Variants in UTS2B observed in about 807,000 individuals in gnomAD.
The protein encoded by UTS2B is urotensin-2B.
UTS2B carries 21 observed loss-of-function variants against 19.2 expected under a neutral mutation model. The observed-to-expected ratio is 1.09, with a 90% CI of 0.78 to 1.58. The LOEUF (loss-of-function observed/expected upper bound fraction) is 1.58. Among genes scored for constraint, UTS2B ranks in the 40% most tolerant of loss-of-function variants. The pLI, the probability that UTS2B is intolerant of heterozygous loss-of-function variation, is 0.00. For missense variants in UTS2B, 138 were observed against 130.3 expected, an observed-to-expected ratio of 1.06 and a Z score of -0.29; for synonymous variants, 57 against 50.2, an observed-to-expected ratio of 1.14 and a Z score of -0.58.
chr3:191,314,502 G>A (rs537704510), intron 3 of UTS2B, among the ~76,000 whole-genome samples: 5 of 152,296 alleles, frequency 3.3e-5, no homozygotes, highest in African/African-American at 9.6e-5. Flanking sequence ...TTGTGATATT[G>A]TGAAACATAT....
At chr3:191,332,157 A>G (rs1177581907), upstream of UTS2B, among the ~76,000 whole-genome samples, 2 of 152,108 alleles carry the variant, frequency 1.3e-5, no homozygotes, top group East Asian at 1.9e-4. Flanking sequence ...GAACATTTCA[A>G]TAGAGGTCGT....
chr3:191,289,450 A>ATAAATAAATAAATAAATAAATAAAT (rs56188122), intron 4 of UTS2B, among the ~76,000 whole-genome samples: 1 of 144,050 alleles, frequency 6.9e-6, no homozygotes, highest in Non-Finnish European at 1.5e-5. Flanking sequence ...AAATAAATAA[A>ATAAATAAATAAATAAATAAATAAAT]AAACAAACGA....
intron 8 of UTS2B, chr3:191,273,525 T>C (rs1226439417): frequency 2.2e-6 from 1 of 456,750 alleles, no homozygotes; most frequent in Non-Finnish European, 4.4e-6. Flanking sequence ...TTGGCAATGT[T>C]GGAGGCAGTT....
chr3:191,326,731 C>T (rs1717753079), intron 2 of UTS2B, among the ~76,000 whole-genome samples: 1 of 152,206 alleles, frequency 6.6e-6, no homozygotes, highest in South Asian at 2.1e-4. Context: ...TGTTCATTCC[C>T]TATAAATACT....
At chr3:191,275,479 G>C (rs1298850072) in intron 7 of UTS2B, 134 bp from the exon 8 acceptor site, 1 of 640,828 alleles carries the variant, frequency 1.6e-6, no homozygotes, top group African/African-American at 1.8e-5. Flanking sequence ...AGGCGATCAA[G>C]ACCATCCTGG....
chr3:191,275,862 C>A (rs114723377), intron 7 of UTS2B, among the ~76,000 whole-genome samples: 1 of 151,958 alleles, frequency 6.6e-6, no homozygotes, highest in Non-Finnish European at 1.5e-5. Flanking sequence ...AGCATGCATT[C>A]AGGGGCTGAC....
chr3:191,327,935 C>G lies in UTS2B; in HGVS notation c.-586+696G>C, dbSNP rs575967258. Among the ~76,000 whole-genome samples the G allele has an allele frequency of 5.6e-4, 86 of 152,264 alleles. No individual in the cohort carries two copies. In the South Asian group the frequency reaches 0.017, roughly 30 times the overall value. On this transcript the variant is annotated intron_variant, in intron 2 of 8. Transcript: ENST00000340524. The stretch of plus-strand genomic sequence containing the variant: ...TTAACCTGCTGAGTGTTATCTCTGC[C>G]TAGCACTGGGGTGGGTAAACTTTTC...
intron 4 of UTS2B, among the ~76,000 whole-genome samples, chr3:191,285,928 G>A (rs1164815517): frequency 6.6e-6 from 1 of 151,964 alleles, no homozygotes; most frequent in Non-Finnish European, 1.5e-5. Context: ...AAAGTGAAAC[G>A]ATGGAAAAAG....
At chr3:191,339,840 C>T in the UTS2B span, among the ~76,000 whole-genome samples, 1 of 152,152 alleles carries the variant, frequency 6.6e-6, no homozygotes, top group Non-Finnish European at 1.5e-5. Flanking sequence ...TTTTAAAAGG[C>T]ACCAGGTTGA....
upstream of UTS2B, among the ~76,000 whole-genome samples, chr3:191,331,307 A>G (rs1256018259): frequency 1.3e-5 from 2 of 152,220 alleles, no homozygotes; most frequent in Non-Finnish European, 2.9e-5. Flanking sequence ...GTGAAAAAAC[A>G]TAAAACTCTT....
intron 5 of UTS2B, among the ~76,000 whole-genome samples, chr3:191,280,523 T>C (rs955721169): frequency 6.6e-6 from 1 of 152,158 alleles, no homozygotes; most frequent in Non-Finnish European, 1.5e-5. Flanking sequence ...CTCCCTCTAA[T>C]CTTGGACTAT....
the UTS2B span, among the ~76,000 whole-genome samples, chr3:191,342,914 C>T: frequency 1.3e-5 from 2 of 152,310 alleles, no homozygotes; most frequent in African/African-American, 4.8e-5. Flanking sequence ...CGTAGAATGT[C>T]TGACTACCTC....
intron 4 of UTS2B, among the ~76,000 whole-genome samples, chr3:191,296,000 T>C (rs763225477): frequency 2.0e-5 from 3 of 152,210 alleles, no homozygotes; most frequent in Admixed American, 1.3e-4. Flanking sequence ...AATGTAATTA[T>C]CAGTCTGTAA....
chr3:191,309,779 C>T (rs1004634971), intron 3 of UTS2B, among the ~76,000 whole-genome samples: 1 of 152,140 alleles, frequency 6.6e-6, no homozygotes, highest in Non-Finnish European at 1.5e-5. Context: ...CCTGCTCTAG[C>T]TGTATGAAAT....
the UTS2B span, among the ~76,000 whole-genome samples, chr3:191,340,749 G>A: frequency 3.3e-5 from 5 of 152,096 alleles, no homozygotes; most frequent in East Asian, 1.9e-4. Context: ...TCCCTCAGGC[G>A]GACATATGAG....
Position 191,268,407 on chromosome 3 carries a change from G to T in UTS2B, c.*9C>A, listed in dbSNP as rs1716000452. The T allele has an allele frequency of 6.4e-7, 1 of 1,556,686 alleles. No individual in the cohort carries two copies. The highest frequency in any genetic ancestry group is 1.8e-5 in the Admixed American group (1 of 57,094). On this transcript the variant is annotated 3_prime_UTR_variant, in exon 9 of 9. Coordinates refer to ENST00000340524, the MANE Select transcript of UTS2B (RefSeq NM_198152.5). ...ATTCTTATCTTTTTTTGCATCCAGA[G>T]AAAAAGCTTTAAACACAGTATTTCC...
At chr3:191,322,065 T>TGA (rs1717627041) in intron 2 of UTS2B, among the ~76,000 whole-genome samples, 4 of 140,900 alleles carry the variant, frequency 2.8e-5, no homozygotes, top group African/African-American at 7.5e-5. Context: ...TGTGTGTGTG[T>TGA]GACTATATGT....
rs1408859803 is a variant in UTS2B at position 191,278,190 on chromosome 3, C to A, written c.104-20G>T. The A allele has an allele frequency of 7.4e-7, 1 of 1,355,480 alleles. No homozygotes were observed. The highest frequency in any genetic ancestry group is 2.5e-5 in the East Asian group (1 of 40,226). The allele number at this position is 1,355,480 out of a possible 1,614,324, so 84.0% of individuals were successfully genotyped here. ...CATTTCCTATAATGATCAAAAACCA[C>A]CATTTTCAATTTGAGTCACCGAAAA... On this transcript the variant is annotated intron_variant, in intron 5 of 8. Transcript: ENST00000340524.
In UTS2B at chr3:191,268,105, C is replaced by T. The variant is rs533675405; in HGVS notation, c.*311G>A. ...CCGTTTATAGGCTCTCCACGAGGGG[C>T]GCATTCCATTCCCAGAGCTATGAAC... On this transcript the variant is annotated 3_prime_UTR_variant, in exon 9 of 9. Coordinates refer to ENST00000340524, the MANE Select transcript of UTS2B (RefSeq NM_198152.5). 11 of 204,920 alleles carry T rather than the reference C, an allele frequency of 5.4e-5. No homozygotes were observed. Among genetic ancestry groups the T allele is most frequent in the South Asian group, 4.3e-4 (4 of 9,340 alleles). The allele number at this position is 204,920 out of a possible 1,614,324, so 12.7% of individuals were successfully genotyped here.
Sources: gnomAD v4.1 joint callset for allele counts (sites outside exome capture counted in the v4.1 genomes callset) on GRCh38, gnomAD v4.1.1 for gene constraint, MANE v1.5 for transcripts, NCBI Gene and HGNC (gene_info 2026-07-23, HGNC 2026-07-21) for gene names.